The following MAGI3 variants were observed in gnomAD, a reference collection of about 807,000 sequenced individuals.
MAGI3 encodes membrane-associated guanylate kinase, WW and PDZ domain-containing protein 3.
Under a neutral mutation model 121.8 loss-of-function variants are expected in MAGI3, and 43 were observed. The ratio of observed to expected loss-of-function variants is 0.35; its 90% CI spans 0.28 to 0.46. The LOEUF (loss-of-function observed/expected upper bound fraction) is 0.46. Ranked by LOEUF, MAGI3 falls within the 20% of genes least tolerant of loss-of-function variation. The pLI, the probability that MAGI3 is intolerant of heterozygous loss-of-function variation, is 1.00. For synonymous variants in MAGI3, 553 were observed against 639.3 expected (o/e 0.86, Z 2.04); for missense variants, 1,547 against 1,797.3 (o/e 0.86, Z 2.52).
At chr1:113,528,238 T>C (rs1658541420) in intron 1 of MAGI3, among the ~76,000 whole-genome samples, 1 of 152,032 alleles carries the variant, frequency 6.6e-6, no homozygotes, top group African/African-American at 2.4e-5. Flanking sequence ...ACATATTGCC[T>C]TTAGGTGTTA....
intron 16 of MAGI3, among the ~76,000 whole-genome samples, chr1:113,667,863 C>T (rs1271947235): frequency 2.0e-5 from 3 of 151,962 alleles, no homozygotes; most frequent in Admixed American, 2.0e-4. Flanking sequence ...AATAGAGGGG[C>T]CTGAGGAGAG....
chr1:113,522,220 C>T (rs955270839), intron 1 of MAGI3, among the ~76,000 whole-genome samples: 12 of 152,192 alleles, frequency 7.9e-5, no homozygotes, highest in Admixed American at 4.6e-4. Context: ...AGTCTTATGC[C>T]TCAGGCTCCC....
At chr1:113,600,008 A>C (rs1020555930) in intron 6 of MAGI3, among the ~76,000 whole-genome samples, 4 of 152,240 alleles carry the variant, frequency 2.6e-5, no homozygotes, top group African/African-American at 9.6e-5. Flanking sequence ...AAGGCCTTTG[A>C]AAAAATTCAA....
chr1:113,675,520 G>A (rs188614897), intron 19 of MAGI3, among the ~76,000 whole-genome samples: 58 of 152,298 alleles, frequency 3.8e-4, no homozygotes, highest in African/African-American at 1.2e-3. Context: ...AGGTGTAAAT[G>A]TTTAGCAGGC....
intron 1 of MAGI3, among the ~76,000 whole-genome samples, chr1:113,399,092 G>C (rs1450742091): frequency 6.6e-6 from 1 of 151,366 alleles, no homozygotes; most frequent in African/African-American, 2.4e-5. Flanking sequence ...TTATTATTTG[G>C]TTCTCTTTTC....
At chr1:113,478,003 T>G (rs1341050578) in intron 1 of MAGI3, among the ~76,000 whole-genome samples, 1 of 152,228 alleles carries the variant, frequency 6.6e-6, no homozygotes, top group Non-Finnish European at 1.5e-5. Flanking sequence ...ATACCCTTTA[T>G]TCCACTTGAT....
chr1:113,534,481 C>T (rs1658872620), intron 1 of MAGI3, among the ~76,000 whole-genome samples: 2 of 152,100 alleles, frequency 1.3e-5, no homozygotes, highest in African/African-American at 4.8e-5. Flanking sequence ...GCCCACTGTG[C>T]TCCCTCTATC....
chr1:113,442,484 G>A (rs1396370038), intron 1 of MAGI3, among the ~76,000 whole-genome samples: 2 of 151,944 alleles, frequency 1.3e-5, no homozygotes, highest in Non-Finnish European at 2.9e-5. Context: ...TTGTGGATAA[G>A]TCATACCAAG....
In MAGI3 at chr1:113,681,212, T is replaced by C. The variant is rs570155771; in HGVS notation, c.3204T>C (p.Ile1068=). 3 of 1,613,756 alleles carry C rather than the reference T, an allele frequency of 1.9e-6. No homozygotes were observed. In the South Asian group the frequency reaches 3.3e-5, roughly 18 times the overall value. Residue 1068 remains isoleucine (I), a synonymous_variant, in exon 20 of 21, where the codon ATT becomes ATC. Coordinates refer to ENST00000307546, the MANE Select transcript of MAGI3 (RefSeq NM_001142782.2). ...KDGRIHVGDQ[I]VEINGEPTQG... ...TCTCTGTCTAGGTTGGTGACCAGAT[T>C]GTTGAAATCAATGGGGAACCTACAC...
intron 1 of MAGI3, among the ~76,000 whole-genome samples, chr1:113,435,892 C>G (rs2101436720): frequency 6.6e-6 from 1 of 152,138 alleles, no homozygotes; most frequent in East Asian, 1.9e-4. Context: ...AAGCATGAGG[C>G]TGTAGCTCTT....
chr1:113,543,126 A>T lies in MAGI3; in HGVS notation c.317-6389A>T, dbSNP rs1659367271. Among the ~76,000 whole-genome samples the T allele has an allele frequency of 3.9e-5, 6 of 152,100 alleles. No individual in the cohort carries two copies. In the South Asian group the frequency reaches 1.2e-3, roughly 31 times the overall value. ...TGTTTCCATTTCTTGTTCTTGTCTCATTCCTATGCCTCTTCCACAGAAAGA... is the reference window on the plus strand; with the variant it reads ...TGTTTCCATTTCTTGTTCTTGTCTCTTTCCTATGCCTCTTCCACAGAAAGA... On this transcript the variant is annotated intron_variant, in intron 1 of 20. Coordinates refer to ENST00000307546, the MANE Select transcript of MAGI3 (RefSeq NM_001142782.2).
intron 10 of MAGI3, 49 bp downstream of exon 10, chr1:113,642,565 A>G: frequency 6.5e-7 from 1 of 1,546,858 alleles, no homozygotes; most frequent in South Asian, 1.3e-5. Flanking sequence ...AAGCGTTTAT[A>G]TCTACTGATT....
At chr1:113,671,862 T>C (rs1285628514) in intron 17 of MAGI3, 26 bp downstream of exon 17, 1 of 1,604,730 alleles carries the variant, frequency 6.2e-7, no homozygotes, top group Admixed American at 1.7e-5. Context: ...GGTTTTTGTT[T>C]TTGTTTTTTT....
intron 20 of MAGI3, among the ~76,000 whole-genome samples, 168 bp downstream of exon 20, chr1:113,681,504 G>C (rs1001168654): frequency 6.6e-6 from 1 of 152,190 alleles, no homozygotes; most frequent in African/African-American, 2.4e-5. Flanking sequence ...AATAGTATTA[G>C]AAAACAAGTG....
At chr1:113,581,949 G>GT (rs1413829442) in intron 3 of MAGI3, among the ~76,000 whole-genome samples, 22 of 149,502 alleles carry the variant, frequency 1.5e-4, no homozygotes, top group South Asian at 4.3e-4. Flanking sequence ...GTTTGTTTTT[G>GT]TTTTTTTTTA....
chr1:113,543,531 A>G (rs891579709), intron 1 of MAGI3, among the ~76,000 whole-genome samples: 1 of 152,208 alleles, frequency 6.6e-6, no homozygotes, highest in East Asian at 1.9e-4. Flanking sequence ...CTAAAATTTC[A>G]TGTATTCAAG....
At chr1:113,447,959 C>T (rs1654267967) in intron 1 of MAGI3, among the ~76,000 whole-genome samples, 1 of 152,206 alleles carries the variant, frequency 6.6e-6, no homozygotes, top group South Asian at 2.1e-4. Flanking sequence ...TGCTTAGCCC[C>T]TGGCAACCAC....
chr1:113,515,267 GTT>G (rs1657833612), intron 1 of MAGI3, among the ~76,000 whole-genome samples: 1 of 152,006 alleles, frequency 6.6e-6, no homozygotes. Flanking sequence ...GGACTATTGA[GTT>G]TTGTGATTTG....
At chr1:113,467,649 C>A (rs1314904462) in intron 1 of MAGI3, among the ~76,000 whole-genome samples, 1 of 152,142 alleles carries the variant, frequency 6.6e-6, no homozygotes, top group Non-Finnish European at 1.5e-5. Context: ...CCTCCTGCCT[C>A]AGCCTCCCAA....
Sources: allele counts gnomAD v4.1 joint callset (sites outside exome capture counted in the v4.1 genomes callset), GRCh38; gene constraint gnomAD v4.1.1; transcripts MANE v1.5; gene names NCBI Gene and HGNC (gene_info 2026-07-23, HGNC 2026-07-21).